The following EPB41L4A variants were observed in gnomAD, a reference collection of about 807,000 sequenced individuals.
EPB41L4A encodes the protein band 4.1-like protein 4A.
EPB41L4A carries 100 observed loss-of-function variants against 108.6 expected under a neutral mutation model. The observed-to-expected ratio is 0.92, with a 90% CI of 0.78 to 1.09. The LOEUF (loss-of-function observed/expected upper bound fraction) is 1.09. EPB41L4A is among the 50% of genes least tolerant of loss of function. The probability of loss-of-function intolerance (pLI) is 0.00; values close to 1 mark genes in which losing one functional copy is unlikely to be tolerated. For missense variants in EPB41L4A, 1,030 were observed against 842.7 expected, an observed-to-expected ratio of 1.22 and a Z score of -2.75; for synonymous variants, 319 against 289.0, an observed-to-expected ratio of 1.10 and a Z score of -1.05.
In EPB41L4A at chr5:112,239,652, T is replaced by A; in HGVS notation, c.965+8A>T. 1.3e-6 allele frequency: 2 copies of A among 1,572,772 alleles called. No homozygotes were observed. Among genetic ancestry groups the A allele is most frequent in the South Asian group, 1.2e-5 (1 of 84,838 alleles). Reference sequence around the variant, plus strand: ...ACACATCCCCCCAAGGAAAAAAATGTCATTTACCTGTAGCGGTGCTTATAA... The same window carrying A: ...ACACATCCCCCCAAGGAAAAAAATGACATTTACCTGTAGCGGTGCTTATAA... On this transcript the variant is annotated splice_region_variant and intron_variant, in intron 11 of 22. Coordinates refer to ENST00000261486, the MANE Select transcript of EPB41L4A (RefSeq NM_022140.5).
chr5:112,367,858 C>T (rs560908545), intron 1 of EPB41L4A, among the ~76,000 whole-genome samples: 1 of 150,794 alleles, frequency 6.6e-6, no homozygotes, highest in African/African-American at 2.5e-5. Context: ...CCCGGCTGAA[C>T]AAACTGAATT....
intron 9 of EPB41L4A, among the ~76,000 whole-genome samples, chr5:112,247,424 G>C (rs1158113926): frequency 6.6e-6 from 1 of 152,072 alleles, no homozygotes; most frequent in African/African-American, 2.4e-5. Flanking sequence ...TCCTCACTAC[G>C]TGGACCCGCC....
intron 1 of EPB41L4A, among the ~76,000 whole-genome samples, chr5:112,417,145 C>T (rs934837945): frequency 4.3e-4 from 65 of 152,332 alleles, no homozygotes; most frequent in African/African-American, 1.4e-3. Flanking sequence ...GAATCACTCA[C>T]CAATTTTCAG....
chr5:112,171,432 G>C (rs1418197423), intron 18 of EPB41L4A, among the ~76,000 whole-genome samples: 2 of 152,320 alleles, frequency 1.3e-5, no homozygotes, highest in East Asian at 3.9e-4. Flanking sequence ...AAAGCAACTG[G>C]TGGGATGGCC....
intron 3 of EPB41L4A, among the ~76,000 whole-genome samples, chr5:112,277,881 C>T (rs1273342502): frequency 6.6e-6 from 1 of 152,086 alleles, no homozygotes; most frequent in African/African-American, 2.4e-5. Flanking sequence ...GTCTTGAATC[C>T]ACATCATTCC....
chr5:112,371,030 A>C (rs1759462678), intron 1 of EPB41L4A, among the ~76,000 whole-genome samples: 2 of 152,258 alleles, frequency 1.3e-5, no homozygotes, highest in African/African-American at 4.8e-5. Context: ...CCTTCTATGC[A>C]CTAAGCACTA....
intron 1 of EPB41L4A, among the ~76,000 whole-genome samples, chr5:112,385,729 T>C (rs1322481343): frequency 6.6e-6 from 1 of 152,048 alleles, no homozygotes; most frequent in Non-Finnish European, 1.5e-5. Context: ...AAACCGAAAA[T>C]TGGTCATATC....
intron 1 of EPB41L4A, among the ~76,000 whole-genome samples, chr5:112,411,690 T>C (rs1031766012): frequency 1.3e-4 from 19 of 151,794 alleles, no homozygotes; most frequent in African/African-American, 4.4e-4. Flanking sequence ...AAGGATTTGA[T>C]TGAACACAGG....
At chr5:112,194,445 T>C (rs1761859993) in intron 17 of EPB41L4A, 123 bp downstream of exon 17, 2 of 564,858 alleles carry the variant, frequency 3.5e-6, no homozygotes, top group East Asian at 3.2e-5. Context: ...TGCTTCAAAA[T>C]AGTGCCAGAT....
chr5:112,209,143 TA>T (rs1412842240), intron 13 of EPB41L4A, among the ~76,000 whole-genome samples: 1 of 152,226 alleles, frequency 6.6e-6, no homozygotes, highest in Non-Finnish European at 1.5e-5. Flanking sequence ...GTAGATGATC[TA>T]AGAAGTCTTT....
rs1751366807 is a variant in EPB41L4A, at chr5:112,259,811, T to C, written c.731+80A>G. 2.9e-6 allele frequency: 3 copies of C among 1,028,642 alleles called. No individual in the cohort carries two copies. In the Admixed American group the frequency reaches 5.5e-5, roughly 19 times the overall value. The allele number at this position is 1,028,642 out of a possible 1,614,324, so 63.7% of individuals were successfully genotyped here. On this transcript the variant is annotated intron_variant, in intron 8 of 22. Transcript: ENST00000261486. Reference sequence around the variant, plus strand: ...CCACTGGAAATATACCTGTTTTCTTTTCCCCAACTCTTTCACTGACACAGG... The same window carrying C: ...CCACTGGAAATATACCTGTTTTCTTCTCCCCAACTCTTTCACTGACACAGG...
intron 1 of EPB41L4A, among the ~76,000 whole-genome samples, chr5:112,378,907 G>T (rs1025239707): frequency 6.6e-6 from 1 of 152,072 alleles, no homozygotes; most frequent in African/African-American, 2.4e-5. Context: ...CACTATTTTT[G>T]TATCAAGGGC....
chr5:112,308,499 C>T (rs1754838477), intron 1 of EPB41L4A, among the ~76,000 whole-genome samples: 1 of 152,160 alleles, frequency 6.6e-6, no homozygotes, highest in Non-Finnish European at 1.5e-5. Context: ...GTGTACACAC[C>T]AAGAACTTTC....
intron 15 of EPB41L4A, among the ~76,000 whole-genome samples, chr5:112,200,210 C>G (rs561167745): frequency 1.3e-4 from 20 of 152,320 alleles, no homozygotes; most frequent in Admixed American, 1.3e-3. Context: ...GCCCCTCTAT[C>G]TGGTATGATT....
chr5:112,341,482 T>G (rs1173245655), intron 1 of EPB41L4A, among the ~76,000 whole-genome samples: 1 of 152,190 alleles, frequency 6.6e-6, no homozygotes, highest in African/African-American at 2.4e-5. Flanking sequence ...GCTTTAACTG[T>G]CAACTGAAAT....
At chr5:112,307,327 G>T in intron 2 of EPB41L4A, 59 bp downstream of exon 2, 1 of 1,131,070 alleles carries the variant, frequency 8.8e-7, no homozygotes, top group Non-Finnish European at 1.3e-6. Flanking sequence ...ATCAGGAAAA[G>T]CCAGAGATAG....
At chr5:112,359,153 A>C (rs2150753248) in intron 1 of EPB41L4A, among the ~76,000 whole-genome samples, 1 of 152,316 alleles carries the variant, frequency 6.6e-6, no homozygotes, top group East Asian at 1.9e-4. Context: ...TCAGCTATGT[A>C]TTTAAGATTT....
intron 1 of EPB41L4A, among the ~76,000 whole-genome samples, chr5:112,400,116 G>A (rs1163820038): frequency 6.6e-6 from 1 of 152,144 alleles, no homozygotes; most frequent in African/African-American, 2.4e-5. Flanking sequence ...GGAGACCTCA[G>A]GAAACTTATG....
At chr5:112,223,503 ATATC>A (rs1416648366) in intron 12 of EPB41L4A, among the ~76,000 whole-genome samples, 4 of 152,292 alleles carry the variant, frequency 2.6e-5, no homozygotes, top group Admixed American at 6.5e-5. Flanking sequence ...CTACTCAGGA[ATATC>A]TATCCCCAAA....
Sources: allele counts gnomAD v4.1 joint callset (sites outside exome capture counted in the v4.1 genomes callset), GRCh38; gene constraint gnomAD v4.1.1; transcripts MANE v1.5; gene names NCBI Gene and HGNC (gene_info 2026-07-23, HGNC 2026-07-21).